Variants in RER1 observed in about 807,000 individuals in gnomAD.
RER1 encodes protein RER1.
A neutral mutation model predicts 28.3 loss-of-function variants in RER1; 6 were observed. That is an observed-to-expected ratio of 0.21 (90% CI 0.12 to 0.42). The LOEUF is 0.42. Among genes scored for constraint, RER1 ranks in the 10% least tolerant of loss-of-function variants. The pLI, the probability that RER1 is intolerant of heterozygous loss-of-function variation, is 1.00. For synonymous variants in RER1, 110 were observed against 95.9 expected (o/e 1.15, Z -0.86); for missense variants, 159 against 252.9 (o/e 0.63, Z 2.52).
In RER1 at chr1:2,403,070, T is replaced by C. The variant is rs200839181; in HGVS notation, c.537T>C (p.His179=). 4 of 1,614,026 alleles carry C rather than the reference T, an allele frequency of 2.5e-6. No individual in the cohort carries two copies. Among genetic ancestry groups the C allele is most frequent in the Admixed American group, 1.7e-5 (1 of 60,016 alleles). ...MIKYRYIPFT[H]GKRRYRGKED... ...AGTACCGGTACATCCCGTTCACACA[T>C]GGGAAGAGAAGGTACAGAGGCAAGG... Residue 179 remains histidine (H), a synonymous_variant, in exon 7 of 7, where the codon CAT becomes CAC. Transcript: ENST00000605895.
chr1:2,396,211 C>G (rs1384215127), intron 2 of RER1: 1 of 307,388 alleles, frequency 3.3e-6, no homozygotes, highest in African/African-American at 2.1e-5. Context: ...CCACCCACGT[C>G]CCCGGTGCTG....
At chr1:2,400,813 G>A in intron 4 of RER1, 44 bp from the exon 5 acceptor site, 1 of 1,476,176 alleles carries the variant, frequency 6.8e-7, no homozygotes, top group Non-Finnish European at 9.5e-7. Flanking sequence ...ACTGTGATGG[G>A]AATGAAAAGA....
At position 2,405,378 on chromosome 1, in the gene RER1, C is replaced by G; in HGVS notation, c.*2254C>G. ...GCACTCATTCAGTCCATTGCCTTAA[C>G]ACAAGCCTGATGGGGCTGTTTTCTC... On this transcript the variant is annotated 3_prime_UTR_variant, in exon 7 of 7. Coordinates refer to ENST00000605895, the MANE Select transcript of RER1 (RefSeq NM_007033.5). 2.7e-6 allele frequency: 1 copy of G among 373,930 alleles called. No individual in the cohort carries two copies. The highest frequency in any genetic ancestry group is 5.2e-6 in the Non-Finnish European group (1 of 192,916). 23.2% of individuals were successfully genotyped at this position (373,930 alleles called of 1,614,324 possible). A position where few individuals can be genotyped will look rare whatever the true frequency, so the allele number is the denominator to read the frequency against.
At chr1:2,395,895 A>G (rs774209845) in intron 2 of RER1, 24 bp downstream of exon 2, 2 of 1,549,438 alleles carry the variant, frequency 1.3e-6, no homozygotes, top group South Asian at 2.2e-5. Context: ...TTAGTAGATG[A>G]GTATAAATAT....
chr1:2,395,800 G>A lies in RER1; in HGVS notation c.10G>A (p.Gly4Arg), dbSNP rs1642760149. The change falls in exon 2 of 7, where the codon GGG (glycine) becomes AGG (arginine). Residue 4 changes from glycine (G) to arginine (R), a missense_variant. Gly to Arg is a moderately radical substitution (Grantham distance 125). Coordinates refer to ENST00000605895, the MANE Select transcript of RER1 (RefSeq NM_007033.5). ...TTCTCCCAGTTACAGAATGTCTGAA[G>A]GGGACAGTGTGGGAGAATCCGTCCA... MSE[G>R]DSVGESVHGK... The A allele has an allele frequency of 1.2e-6, 2 of 1,612,852 alleles. No homozygotes were observed. The highest frequency in any genetic ancestry group is 2.7e-5 in the African/African-American group (2 of 74,926).
Position 2,402,355 on chromosome 1 carries a change from C to T in RER1, c.501+13C>T, listed in dbSNP as rs374919458. On this transcript the variant is annotated intron_variant, in intron 6 of 6. Coordinates refer to ENST00000605895, the MANE Select transcript of RER1 (RefSeq NM_007033.5). ...GAGGCAAATCAAGGTAAAGCAGAGG[C>T]GCTGCCGCCACGCCGGCCGCAATCG... 1.7e-4 allele frequency: 277 copies of T among 1,613,720 alleles called. 1 individual carries two copies. The highest frequency in any genetic ancestry group is 2.0e-4 in the Non-Finnish European group (236 of 1,179,832).
chr1:2,401,892 T>C, intron 5 of RER1: 1 of 785,212 alleles, frequency 1.3e-6, no homozygotes, highest in Non-Finnish European at 2.0e-6. Flanking sequence ...CCTGGGTTTC[T>C]CTCCAGATCG....
chr1:2,400,431 G>A lies in RER1; in HGVS notation c.287-426G>A, dbSNP rs539301616. Among the ~76,000 whole-genome samples the A allele has an allele frequency of 2.6e-5, 4 of 152,364 alleles. No individual in the cohort carries two copies. In the East Asian group the frequency reaches 7.7e-4, roughly 29 times the overall value. Reference sequence around the variant, plus strand: ...AGCGGCACCCATCCCAGTGGGGGAGGCGGGGTGAGAGTGGGCTTGGCACAG... The same window carrying A: ...AGCGGCACCCATCCCAGTGGGGGAGACGGGGTGAGAGTGGGCTTGGCACAG... On this transcript the variant is annotated intron_variant, in intron 4 of 6. Coordinates refer to ENST00000605895, the MANE Select transcript of RER1 (RefSeq NM_007033.5).
chr1:2,399,895 G>C (rs972294858), intron 4 of RER1, among the ~76,000 whole-genome samples: 1 of 152,198 alleles, frequency 6.6e-6, no homozygotes, highest in East Asian at 1.9e-4. Context: ...ACCTTTTCCC[G>C]TAGCCAGAGG....
chr1:2,392,173 G>A (rs970371457), intron 1 of RER1, among the ~76,000 whole-genome samples: 4 of 151,806 alleles, frequency 2.6e-5, no homozygotes, highest in Admixed American at 6.6e-5. Context: ...GTGCTGGGGG[G>A]TGCGGCGGAG....
At chr1:2,400,075 G>A (rs774557957) in intron 4 of RER1, among the ~76,000 whole-genome samples, 3 of 152,234 alleles carry the variant, frequency 2.0e-5, no homozygotes, top group Non-Finnish European at 4.4e-5. Context: ...TCCTGGGCCT[G>A]CCTGGGCCAG....
In RER1 at chr1:2,402,997, C is replaced by T. The variant is rs200029892; in HGVS notation, c.502-38C>T. On this transcript the variant is annotated intron_variant, in intron 6 of 6. Coordinates refer to ENST00000605895, the MANE Select transcript of RER1 (RefSeq NM_007033.5). ...GGGGACAGTGTGACTGACTGGAGAG[C>T]GGTTGTGCAGTAACTGAGTCTGTGT... 68 of 1,533,154 alleles carry T rather than the reference C, an allele frequency of 4.4e-5. No individual in the cohort carries two copies. In the East Asian group the frequency reaches 1.3e-3, roughly 29 times the overall value. 95.0% of individuals were successfully genotyped at this position (1,533,154 alleles called of 1,614,324 possible). A position where few individuals can be genotyped will look rare whatever the true frequency, so the allele number is the denominator to read the frequency against.
At chr1:2,396,732 G>T (rs1320668304) in intron 2 of RER1, among the ~76,000 whole-genome samples, 1 of 152,210 alleles carries the variant, frequency 6.6e-6, no homozygotes, top group African/African-American at 2.4e-5. Flanking sequence ...TGCTGCAGAT[G>T]GGGGAGCTGA....
chr1:2,404,837 A>G lies in RER1; in HGVS notation c.*1713A>G, dbSNP rs981181462. 2 of 152,548 alleles carry G rather than the reference A, an allele frequency of 1.3e-5. No individual in the cohort carries two copies. Among genetic ancestry groups the G allele is most frequent in the African/African-American group, 4.8e-5 (2 of 41,466 alleles). 9.4% of individuals were successfully genotyped at this position (152,548 alleles called of 1,614,324 possible). On this transcript the variant is annotated 3_prime_UTR_variant, in exon 7 of 7. Transcript: ENST00000605895. Reference sequence around the variant, plus strand: ...ACCCACATTTTGCTGGAGTTAGTTTATTAAAGATGCCTACGGTGAACTCTC... The same window carrying G: ...ACCCACATTTTGCTGGAGTTAGTTTGTTAAAGATGCCTACGGTGAACTCTC...
At chr1:2,399,937 G>A (rs1642821578) in intron 4 of RER1, among the ~76,000 whole-genome samples, 1 of 152,234 alleles carries the variant, frequency 6.6e-6, no homozygotes, top group African/African-American at 2.4e-5. Context: ...GGTGCACAGA[G>A]ACCGCCGGGA....
rs946606377 is a variant in RER1 at position 2,404,587 on chromosome 1, C to T, written c.*1463C>T. The T allele has an allele frequency of 6.6e-6, 1 of 152,290 alleles. No homozygotes were observed. Among genetic ancestry groups the T allele is most frequent in the Non-Finnish European group, 1.5e-5 (1 of 68,082 alleles). 9.4% of individuals were successfully genotyped at this position (152,290 alleles called of 1,614,324 possible). On this transcript the variant is annotated 3_prime_UTR_variant, in exon 7 of 7. Coordinates refer to ENST00000605895, the MANE Select transcript of RER1 (RefSeq NM_007033.5). ...AGTCTAGAGGGTCACGGCCCCCCCG[C>T]CCTCCTCCGTCTCTGGCAAGCTGAC...
chr1:2,397,366 C>A, intron 3 of RER1, 146 bp downstream of exon 3: 1 of 656,804 alleles, frequency 1.5e-6, no homozygotes, highest in Non-Finnish European at 2.8e-6. Context: ...TCAGAAAGAT[C>A]TCAGTGACTG....
intron 3 of RER1, among the ~76,000 whole-genome samples, chr1:2,398,954 C>T (rs146980283): frequency 6.6e-6 from 1 of 152,318 alleles, no homozygotes; most frequent in East Asian, 1.9e-4. Flanking sequence ...GGAACATCAG[C>T]CAGCACGCCT....
rs140408798 is a variant in RER1, at chr1:2,398,685, G to A, written c.187-730G>A. ...ATTGCAGGCGTGAGCCACCACACCC[G>A]ACAGAAATTTAAGGCTTTTGAAATT... On this transcript the variant is annotated intron_variant, in intron 3 of 6. Coordinates refer to ENST00000605895, the MANE Select transcript of RER1 (RefSeq NM_007033.5). 2.5e-3 allele frequency among the ~76,000 whole-genome samples: 386 copies of A among 152,346 alleles called. 1 individual carries two copies. Among genetic ancestry groups the A allele is most frequent in the African/African-American group, 8.6e-3 (358 of 41,590 alleles).
Sources: allele counts gnomAD v4.1 joint callset (sites outside exome capture counted in the v4.1 genomes callset), GRCh38; gene constraint gnomAD v4.1.1; transcripts MANE v1.5; gene names NCBI Gene and HGNC (gene_info 2026-07-23, HGNC 2026-07-21).